IQSEC3: variants seen among roughly 807,000 people sequenced by gnomAD.
The protein encoded by IQSEC3 is IQ motif and Sec7 domain ArfGEF 3.
Under a neutral mutation model 105.4 loss-of-function variants are expected in IQSEC3, and 50 were observed. That is an observed-to-expected ratio of 0.47 (90% confidence interval 0.38 to 0.60). The LOEUF (loss-of-function observed/expected upper bound fraction) is 0.60. Ranked by LOEUF, IQSEC3 falls within the 20% of genes least tolerant of loss-of-function variation. The probability of loss-of-function intolerance (pLI) is 0.00; values close to 1 mark genes in which losing one functional copy is unlikely to be tolerated. For synonymous variants in IQSEC3, 708 were observed against 746.0 expected (o/e 0.95, Z 0.83); for missense variants, 1,415 against 1,630.0 (o/e 0.87, Z 2.27).
intron 2 of IQSEC3, 35 bp from the exon 3 acceptor site, chr12:125,598 T>A (rs782784350): frequency 6.8e-7 from 1 of 1,465,856 alleles, no homozygotes; most frequent in Non-Finnish European, 8.9e-7. Flanking sequence ...TGTCGCCCTC[T>A]CCCCCAACCG....
At chr12:117,450 G>A (rs1432107178) in intron 2 of IQSEC3, among the ~76,000 whole-genome samples, 1 of 152,268 alleles carries the variant, frequency 6.6e-6, no homozygotes, top group Non-Finnish European at 1.5e-5. Flanking sequence ...GAGGCTATGA[G>A]GGAGGCGGTG....
intron 2 of IQSEC3, among the ~76,000 whole-genome samples, chr12:122,493 A>T (rs1865253617): frequency 6.6e-6 from 1 of 152,250 alleles, no homozygotes; most frequent in African/African-American, 2.4e-5. Flanking sequence ...ATTTTTTAAA[A>T]TTTGTTTTGT....
At chr12:168,688 C>A (rs113281449) in intron 11 of IQSEC3, among the ~76,000 whole-genome samples, 66 of 152,164 alleles carry the variant, frequency 4.3e-4, no homozygotes, top group African/African-American at 1.4e-3. Context: ...GGTTGGGTAA[C>A]TTGCCTAAAA....
At chr12:129,527 C>T (rs150568166) in intron 3 of IQSEC3, among the ~76,000 whole-genome samples, 198 of 152,304 alleles carry the variant, frequency 1.3e-3, no homozygotes, top group African/African-American at 4.4e-3. Flanking sequence ...CCTCTCACCC[C>T]ACCCCAGCAG....
chr12:174,625 G>T lies in IQSEC3; in HGVS notation c.3141G>T (p.Thr1047=), dbSNP rs201518666. 1.3e-6 allele frequency: 2 copies of T among 1,556,732 alleles called. No homozygotes were observed. Among genetic ancestry groups the T allele is most frequent in the Non-Finnish European group, 1.7e-6 (2 of 1,160,050 alleles). Residue 1047 remains threonine, a synonymous_variant, in exon 14 of 14, where the codon ACG becomes ACT. Transcript: ENST00000538872. ...VEVSIHNRLQ[T]SQHNSGLGAE... ...TGTCAATTCACAACAGGCTTCAAAC[G>T]TCCCAGCACAACTCCGGGCTGGGGG...
intron 3 of IQSEC3, among the ~76,000 whole-genome samples, chr12:130,678 C>A (rs116924147): frequency 0.056 from 8,570 of 152,272 alleles, 263 homozygotes; most frequent in East Asian, 0.14. Flanking sequence ...CCAGGCAGGC[C>A]TCAACGCCCT....
intron 1 of IQSEC3, among the ~76,000 whole-genome samples, chr12:68,452 C>G (rs1436786280): frequency 2.0e-5 from 3 of 152,148 alleles, no homozygotes; most frequent in Non-Finnish European, 4.4e-5. Flanking sequence ...CCTAGAACTT[C>G]AAGCTCTTTC....
At chr12:157,384 C>A (rs1029384886) in intron 6 of IQSEC3, 144 bp from the exon 7 acceptor site, 3 of 1,133,988 alleles carry the variant, frequency 2.6e-6, no homozygotes, top group Non-Finnish European at 2.4e-6. Context: ...GGGAAAAAGA[C>A]CAGAGTATGG....
chr12:137,020 G>A (rs1865791373), intron 3 of IQSEC3, among the ~76,000 whole-genome samples: 1 of 152,122 alleles, frequency 6.6e-6, no homozygotes. Context: ...CTGCCCAGGT[G>A]AGGTGCCATG....
chr12:81,148 G>T (rs1245000862), intron 1 of IQSEC3, among the ~76,000 whole-genome samples: 3 of 152,214 alleles, frequency 2.0e-5, no homozygotes, highest in African/African-American at 7.2e-5. Context: ...GAAGGTTGTT[G>T]TTCTGTGGCA....
intron 1 of IQSEC3, among the ~76,000 whole-genome samples, chr12:84,247 G>A (rs1178268775): frequency 6.6e-6 from 1 of 152,230 alleles, no homozygotes; most frequent in Non-Finnish European, 1.5e-5. Flanking sequence ...TCATCTCAGT[G>A]CCCAGCCTGG....
chr12:174,663 C>T lies in IQSEC3; in HGVS notation c.3179C>T (p.Ala1060Val), dbSNP rs373985905. The T allele has an allele frequency of 1.5e-5, 24 of 1,588,488 alleles. No homozygotes were observed. The East Asian group carries it at 2.0e-4, about 13-fold the overall frequency. Residue 1060 changes from alanine (A) to valine (V), a missense_variant, in exon 14 of 14, where the codon GCG becomes GTG. Around this residue, in one of 6 missense-constraint regions of IQSEC3, gnomAD observed 419 missense variants for 436.2 expected, o/e 0.96. Coordinates refer to ENST00000538872, the MANE Select transcript of IQSEC3 (RefSeq NM_001170738.2). ...HNSGLGAERG[A>V]PVPPPDLQPS... ...TCCGGGCTGGGGGCCGAGAGGGGAG[C>T]GCCGGTGCCGCCGCCAGACCTGCAG...
At chr12:93,410 C>T (rs937198086) in intron 1 of IQSEC3, among the ~76,000 whole-genome samples, 1 of 152,214 alleles carries the variant, frequency 6.6e-6, no homozygotes, top group East Asian at 1.9e-4. Context: ...GAGATCCCGT[C>T]CCTTCCTGTC....
intron 2 of IQSEC3, among the ~76,000 whole-genome samples, chr12:103,134 T>C (rs1273448055): frequency 6.6e-6 from 1 of 151,962 alleles, no homozygotes; most frequent in Non-Finnish European, 1.5e-5. Context: ...TCTGGGGCGC[T>C]GAATATGCCA....
chr12:144,598 G>A (rs1400961523), intron 5 of IQSEC3: 3 of 152,224 alleles, frequency 2.0e-5, no homozygotes, highest in Non-Finnish European at 4.4e-5. Flanking sequence ...GAGGGAGAGA[G>A]CAGCTGCCAC....
chr12:96,534 A>G (rs1031923703), intron 1 of IQSEC3, among the ~76,000 whole-genome samples: 25 of 152,226 alleles, frequency 1.6e-4, no homozygotes, highest in Admixed American at 6.5e-5. Context: ...GGGCCAATAT[A>G]TATAAAAGAA....
rs59241356 is a variant in IQSEC3 at position 167,576 on chromosome 12, G to GA, written c.2972-1423dup. On this transcript the variant is annotated intron_variant, in intron 11 of 13. Transcript: ENST00000538872. ...GGAGACAGGGAGGAAAGGAAGCCAG[G>GA]AAAAAAAAAAAAAAGAAAATGGGCT... The GA allele has an allele frequency of 2.5e-3, 352 of 138,250 alleles. 1 individual carries two copies. Among genetic ancestry groups the GA allele is most frequent in the African/African-American group, 6.0e-3 (225 of 37,198 alleles). The allele number at this position is 138,250 out of a possible 1,614,324, so 8.6% of individuals were successfully genotyped here.
chr12:127,958 C>G (rs1565416600), intron 3 of IQSEC3, among the ~76,000 whole-genome samples: 1 of 152,230 alleles, frequency 6.6e-6, no homozygotes, highest in Non-Finnish European at 1.5e-5. Context: ...ACTCCTCTCT[C>G]TTCTGCCATG....
chr12:141,051 G>A, intron 4 of IQSEC3, 73 bp from the exon 5 acceptor site: 1 of 1,453,134 alleles, frequency 6.9e-7, no homozygotes, highest in African/African-American at 1.4e-5. Flanking sequence ...TTCTATGGGT[G>A]GAAGACAGGG....
Sources: gnomAD v4.1 joint callset for allele counts (sites outside exome capture counted in the v4.1 genomes callset) on GRCh38, gnomAD v4.1.1 for gene constraint, gnomAD v4.1.1 regional missense constraint, MANE v1.5 for transcripts, NCBI Gene and HGNC (gene_info 2026-07-23, HGNC 2026-07-21) for gene names.